SLIT3: variants seen among roughly 807,000 people sequenced by gnomAD.
The protein encoded by SLIT3 is slit guidance ligand 3.
Under a neutral mutation model 184.0 loss-of-function variants are expected in SLIT3, and 68 were observed. That is an observed-to-expected ratio of 0.37 (90% CI 0.30 to 0.45). The LOEUF (loss-of-function observed/expected upper bound fraction) is 0.45, where lower values mean the gene tolerates loss of function less well. SLIT3 is among the 20% of genes least tolerant of loss of function. The pLI, the probability that SLIT3 is intolerant of heterozygous loss-of-function variation, is 1.00. For synonymous variants in SLIT3, 831 were observed against 828.6 expected (o/e 1.00, Z -0.05); for missense variants, 1,707 against 2,026.0 (o/e 0.84, Z 3.02).
intron 4 of SLIT3, chr5:169,022,869 C>G (rs553915546): frequency 6.6e-6 from 1 of 152,212 alleles, no homozygotes. Context: ...ATGTTAAGTA[C>G]ACCCAAAAAG....
intron 5 of SLIT3, among the ~76,000 whole-genome samples, chr5:168,846,015 T>C (rs539165142): frequency 6.6e-6 from 1 of 152,320 alleles, no homozygotes; most frequent in African/African-American, 2.4e-5. Context: ...GGAACCCTCT[T>C]CCAGGGCTTT....
chr5:169,209,711 C>T (rs1350009090), intron 3 of SLIT3, among the ~76,000 whole-genome samples: 1 of 152,162 alleles, frequency 6.6e-6, no homozygotes, highest in Non-Finnish European at 1.5e-5. Flanking sequence ...AAACCAAACA[C>T]CACATGTTCT....
chr5:168,791,845 T>C (rs1756383798), intron 10 of SLIT3: 1 of 152,228 alleles, frequency 6.6e-6, no homozygotes, highest in African/African-American at 2.4e-5. Context: ...TTCTCCTGTC[T>C]ACCTGAAATT....
intron 20 of SLIT3, among the ~76,000 whole-genome samples, chr5:168,746,417 T>TG (rs2113448395): frequency 1.7e-5 from 1 of 60,380 alleles, no homozygotes; most frequent in South Asian, 5.0e-4. Flanking sequence ...GTGTAGTGTG[T>TG]GAGTGTGGTG....
intron 5 of SLIT3, among the ~76,000 whole-genome samples, chr5:168,858,486 GA>G (rs1294272592): frequency 6.6e-6 from 1 of 152,236 alleles, no homozygotes; most frequent in Non-Finnish European, 1.5e-5. Context: ...GACTTAGGGG[GA>G]AAAATTCCTT....
At position 169,181,663 on chromosome 5, in the gene SLIT3, C is replaced by A. The variant is rs532232448; in HGVS notation, c.413+11816G>T. Among the ~76,000 whole-genome samples, 17 of 151,900 alleles carry A rather than the reference C, an allele frequency of 1.1e-4. No individual in the cohort carries two copies. In the South Asian group the frequency reaches 3.5e-3, roughly 32 times the overall value. ...GGCTGAGGCAGGACAATCGCATGAA[C>A]CTGGGAGGTGGAGGTTGCAGTGAGC... On this transcript the variant is annotated intron_variant, in intron 4 of 35. Coordinates refer to ENST00000519560, the MANE Select transcript of SLIT3 (RefSeq NM_003062.4).
chr5:169,004,267 T>A (rs1581290436), intron 4 of SLIT3, among the ~76,000 whole-genome samples: 1 of 151,938 alleles, frequency 6.6e-6, no homozygotes, highest in Admixed American at 6.6e-5. Context: ...CCTTCGGGAG[T>A]CCCTGCTGGG....
chr5:169,130,952 C>T (rs1761275444), intron 4 of SLIT3, among the ~76,000 whole-genome samples: 1 of 151,892 alleles, frequency 6.6e-6, no homozygotes, highest in South Asian at 2.1e-4. Flanking sequence ...CATATAGATA[C>T]GTATTTAAGT....
intron 12 of SLIT3, among the ~76,000 whole-genome samples, chr5:168,785,008 C>A (rs1183724644): frequency 2.0e-5 from 3 of 152,098 alleles, no homozygotes; most frequent in Admixed American, 1.3e-4. Context: ...ACCTATTCTG[C>A]TGTGTGACTG....
At chr5:169,211,310 T>C (rs1241794698) in intron 3 of SLIT3, among the ~76,000 whole-genome samples, 1 of 152,220 alleles carries the variant, frequency 6.6e-6, no homozygotes, top group African/African-American at 2.4e-5. Context: ...CTGTTTCTGC[T>C]TTTGCTCCTA....
intron 4 of SLIT3, among the ~76,000 whole-genome samples, chr5:169,173,107 CA>C (rs1762866689): frequency 6.6e-6 from 1 of 152,086 alleles, no homozygotes; most frequent in South Asian, 2.1e-4. Flanking sequence ...ACTAAAAATA[CA>C]AAATTAGCTG....
At position 169,285,970 on chromosome 5, in the gene SLIT3, T is replaced by G. The variant is rs1277076951; in HGVS notation, c.197+14543A>C. 3.3e-5 allele frequency among the ~76,000 whole-genome samples: 5 copies of G among 152,210 alleles called. No homozygotes were observed. The East Asian group carries it at 9.6e-4, about 29-fold the overall frequency. On this transcript the variant is annotated intron_variant, in intron 1 of 35. Coordinates refer to ENST00000519560, the MANE Select transcript of SLIT3 (RefSeq NM_003062.4). ...TGAGCATGATAAAATGGTTGTCACTTTAGAACACTAAGTTTTGGGGTGGAT... is the reference window on the plus strand; with the variant it reads ...TGAGCATGATAAAATGGTTGTCACTGTAGAACACTAAGTTTTGGGGTGGAT...
intron 4 of SLIT3, among the ~76,000 whole-genome samples, chr5:169,082,372 G>A (rs183557209): frequency 2.0e-4 from 30 of 152,280 alleles, no homozygotes; most frequent in Admixed American, 1.5e-3. Context: ...GCCCAGTTAC[G>A]ATTATGTTGG....
At chr5:169,120,099 G>A (rs957960759) in intron 4 of SLIT3, 2 of 152,118 alleles carry the variant, frequency 1.3e-5, no homozygotes, top group African/African-American at 2.4e-5. Flanking sequence ...TCTTAAGTAG[G>A]AATATAAAAA....
intron 3 of SLIT3, among the ~76,000 whole-genome samples, chr5:169,197,812 T>TA (rs34341770): frequency 0.068 from 10,084 of 148,300 alleles, 488 homozygotes; most frequent in East Asian, 0.19. Flanking sequence ...AGCATAAAGG[T>TA]AAAAAAAAAA....
intron 3 of SLIT3, among the ~76,000 whole-genome samples, chr5:169,197,162 A>G (rs1581043773): frequency 1.3e-5 from 2 of 152,298 alleles, no homozygotes; most frequent in South Asian, 4.2e-4. Context: ...GACAAAAATA[A>G]AAATATAACT....
chr5:168,945,560 G>T (rs1762448801), intron 4 of SLIT3, among the ~76,000 whole-genome samples: 1 of 152,226 alleles, frequency 6.6e-6, no homozygotes, highest in African/African-American at 2.4e-5. Flanking sequence ...AGGCAAGAGA[G>T]ATGATCACAC....
At chr5:169,113,236 C>T (rs560026346) in intron 4 of SLIT3, among the ~76,000 whole-genome samples, 2 of 152,274 alleles carry the variant, frequency 1.3e-5, no homozygotes, top group South Asian at 2.1e-4. Context: ...CCCTTCCCTA[C>T]CTTCCCCTCT....
intron 9 of SLIT3, among the ~76,000 whole-genome samples, chr5:168,801,049 GAT>G (rs1756749514): frequency 6.6e-6 from 1 of 152,204 alleles, no homozygotes; most frequent in South Asian, 2.1e-4. Context: ...GAGGCATGAA[GAT>G]GTTAAGGAAT....
Sources: allele counts gnomAD v4.1 joint callset (sites outside exome capture counted in the v4.1 genomes callset), GRCh38; gene constraint gnomAD v4.1.1; transcripts MANE v1.5; gene names NCBI Gene and HGNC (gene_info 2026-07-23, HGNC 2026-07-21).